The following KIAA1671 variants were observed in gnomAD, a reference collection of about 807,000 sequenced individuals.
The protein encoded by KIAA1671 is KIAA1671.
In KIAA1671, 52 loss-of-function variants were observed where a neutral mutation model predicts 131.2. That is an observed-to-expected ratio of 0.40 (90% CI 0.32 to 0.50). The LOEUF is 0.50. Ranked by LOEUF, KIAA1671 falls within the 20% of genes least tolerant of loss-of-function variation. KIAA1671 has a pLI of 0.73. For missense variants in KIAA1671, 2,360 were observed against 2,364.2 expected (o/e 1.00, Z 0.04); for synonymous variants, 1,003 against 961.6 (o/e 1.04, Z -0.80).
chr22:25,171,043 G>T, intron 7 of KIAA1671, 105 bp downstream of exon 7: 1 of 850,542 alleles, frequency 1.2e-6, no homozygotes, highest in Middle Eastern at 2.9e-4. Context: ...CCTCCAGTCT[G>T]TAATTATAAA....
intron 1 of KIAA1671, among the ~76,000 whole-genome samples, chr22:24,979,947 C>T (rs1489750000): frequency 6.6e-6 from 1 of 151,770 alleles, no homozygotes; most frequent in Non-Finnish European, 1.5e-5. Flanking sequence ...TGTGTTGTAG[C>T]ATGTAAGAAT....
At chr22:25,093,780 C>CTCTCTG (rs1568951234) in intron 6 of KIAA1671, among the ~76,000 whole-genome samples, 6 of 106,032 alleles carry the variant, frequency 5.7e-5, no homozygotes, top group South Asian at 3.2e-4. Context: ...CTCTCTCTCT[C>CTCTCTG]TCTCTCTCTC....
chr22:25,076,833 G>A (rs1929132584), intron 6 of KIAA1671, among the ~76,000 whole-genome samples: 1 of 152,216 alleles, frequency 6.6e-6, no homozygotes. Flanking sequence ...TCCTGAGCCT[G>A]TACTAAACGC....
At chr22:24,969,150 C>T (rs1329504746) in intron 1 of KIAA1671, among the ~76,000 whole-genome samples, 1 of 152,156 alleles carries the variant, frequency 6.6e-6, no homozygotes, top group East Asian at 1.9e-4. Flanking sequence ...ATCTGCCCAC[C>T]TCAGCCTCCC....
intron 1 of KIAA1671, among the ~76,000 whole-genome samples, chr22:24,981,195 G>A (rs1343797462): frequency 6.6e-6 from 1 of 152,120 alleles, no homozygotes; most frequent in East Asian, 1.9e-4. Flanking sequence ...GAGCTGAGGT[G>A]CCGGGCAGGG....
intron 6 of KIAA1671, among the ~76,000 whole-genome samples, chr22:25,086,239 C>T (rs184622921): frequency 5.9e-5 from 9 of 152,320 alleles, no homozygotes; most frequent in African/African-American, 2.2e-4. Context: ...CTCTGTCTCT[C>T]CACTTCCTAG....
At chr22:25,100,093 G>A (rs904155671) in intron 6 of KIAA1671, among the ~76,000 whole-genome samples, 7 of 152,202 alleles carry the variant, frequency 4.6e-5, no homozygotes, top group Non-Finnish European at 1.0e-4. Context: ...GTCTTCCTGG[G>A]TAACCCCCTT....
chr22:25,086,871 C>A (rs1434104675), intron 6 of KIAA1671, among the ~76,000 whole-genome samples: 1 of 152,196 alleles, frequency 6.6e-6, no homozygotes, highest in Non-Finnish European at 1.5e-5. Flanking sequence ...AATTTAGAGC[C>A]GGCTGAGCAG....
intron 6 of KIAA1671, among the ~76,000 whole-genome samples, chr22:25,085,389 T>C (rs1929650521): frequency 6.6e-6 from 1 of 152,136 alleles, no homozygotes; most frequent in South Asian, 2.1e-4. Context: ...GAACTTAGAA[T>C]ATTCCTTGAG....
chr22:24,980,486 G>A (rs1923170876), intron 1 of KIAA1671, among the ~76,000 whole-genome samples: 2 of 151,836 alleles, frequency 1.3e-5, no homozygotes. Context: ...TGGCCAGGCT[G>A]ATCTCGAACT....
At chr22:25,001,157 GTA>G (rs1217836216) in intron 1 of KIAA1671, among the ~76,000 whole-genome samples, 1 of 151,092 alleles carries the variant, frequency 6.6e-6, no homozygotes, top group Non-Finnish European at 1.5e-5. Flanking sequence ...TAAAATGTGT[GTA>G]TGTGTATGTA....
At chr22:25,190,854 C>A in intron 12 of KIAA1671, 70 bp downstream of exon 12, 1 of 1,084,916 alleles carries the variant, frequency 9.2e-7, no homozygotes, top group Non-Finnish European at 1.4e-6. Context: ...CTCAGGGGGG[C>A]CACGCTTCAG....
chr22:24,979,504 C>T (rs938587108), intron 1 of KIAA1671, among the ~76,000 whole-genome samples: 5 of 151,502 alleles, frequency 3.3e-5, no homozygotes, highest in East Asian at 2.0e-4. Flanking sequence ...CACCTGCCAC[C>T]GCGCCCGGCT....
In KIAA1671 at chr22:25,168,586, A is replaced by G. The variant is rs1933729129; in HGVS notation, c.4531-2234A>G. On this transcript the variant is annotated intron_variant, in intron 6 of 12. Transcript: ENST00000358431. ...TGTGTGCCTGTAATCCCAGCTACTA[A>G]GGAGGCTGAGGCAAGAAAATCACTT... is the stretch of plus-strand genomic sequence containing the variant. 2.0e-5 allele frequency among the ~76,000 whole-genome samples: 3 copies of G among 152,166 alleles called. No individual in the cohort carries two copies. In the South Asian group the frequency reaches 6.2e-4, roughly 32 times the overall value.
intron 1 of KIAA1671, among the ~76,000 whole-genome samples, chr22:25,004,840 G>A (rs1386606233): frequency 6.6e-6 from 1 of 151,710 alleles, no homozygotes; most frequent in African/African-American, 2.4e-5. Context: ...CAGCTACTCG[G>A]GAGGCTGAGG....
chr22:24,956,299 G>T (rs1451401050), intron 1 of KIAA1671, among the ~76,000 whole-genome samples: 1 of 152,214 alleles, frequency 6.6e-6, no homozygotes, highest in Non-Finnish European at 1.5e-5. Context: ...TGCCTGTTCA[G>T]GGGTAGGTAT....
At chr22:24,970,756 T>C (rs1283521167) in intron 1 of KIAA1671, among the ~76,000 whole-genome samples, 1 of 143,938 alleles carries the variant, frequency 6.9e-6, no homozygotes, top group East Asian at 2.5e-4. Flanking sequence ...ACAAAACTCA[T>C]AACATTTTAA....
At chr22:25,122,542 C>T (rs148281763) in intron 6 of KIAA1671, among the ~76,000 whole-genome samples, 1,700 of 152,304 alleles carry the variant, frequency 0.011, 32 homozygotes, top group South Asian at 0.035. Flanking sequence ...GGGGCTGTCA[C>T]GGAGCTGGAA....
intron 6 of KIAA1671, among the ~76,000 whole-genome samples, chr22:25,074,595 A>G (rs936885652): frequency 3.2e-4 from 47 of 147,334 alleles, no homozygotes; most frequent in Non-Finnish European, 4.1e-4. Flanking sequence ...GTGTGCGTGT[A>G]TATATATATA....
Sources: allele counts gnomAD v4.1 joint callset (sites outside exome capture counted in the v4.1 genomes callset), GRCh38; gene constraint gnomAD v4.1.1; transcripts MANE v1.5; gene names NCBI Gene and HGNC (gene_info 2026-07-23, HGNC 2026-07-21).